PDXDC1: variants seen among roughly 807,000 people sequenced by gnomAD.
PDXDC1 encodes pyridoxal dependent decarboxylase domain containing 1, also known as pyridoxal-dependent decarboxylase domain-containing protein 1.
Under a neutral mutation model 100.1 loss-of-function variants are expected in PDXDC1, and 42 were observed. That is an observed-to-expected ratio of 0.42 (90% CI 0.33 to 0.54). The LOEUF (loss-of-function observed/expected upper bound fraction) is 0.54, where lower values mean the gene tolerates loss of function less well. PDXDC1 is among the 20% of genes least tolerant of loss of function. The pLI, the probability that PDXDC1 is intolerant of heterozygous loss-of-function variation, is 0.10. For synonymous variants in PDXDC1, 260 were observed against 371.7 expected (o/e 0.70, Z 3.46); for missense variants, 636 against 979.2 (o/e 0.65, Z 4.68).
intron 16 of PDXDC1, chr16:15,062,008 A>C: frequency 8.7e-7 from 1 of 1,150,346 alleles, no homozygotes; most frequent in Non-Finnish European, 1.2e-6. Flanking sequence ...AAGATGGTGA[A>C]GAAAATATCT....
At chr16:15,137,255 G>A in intron 16 of PDXDC1, 1 of 812,062 alleles carries the variant, frequency 1.2e-6, no homozygotes, top group Non-Finnish European at 2.0e-6. Context: ...GGCCCCTGGG[G>A]AGGCAGGGAA....
At chr16:15,065,324 C>T (rs1597878146) in intron 16 of PDXDC1, 11 of 1,613,668 alleles carry the variant, frequency 6.8e-6, no homozygotes, top group Non-Finnish European at 9.3e-6. Context: ...CAGCATCTGG[C>T]GATTGTTCCT....
intron 16 of PDXDC1, among the ~76,000 whole-genome samples, chr16:15,073,614 C>T (rs1409036760): frequency 6.6e-6 from 1 of 152,144 alleles, no homozygotes; most frequent in Non-Finnish European, 1.5e-5. Context: ...AAATGCAAAC[C>T]CTTCTGAAGA....
rs146542398 is a variant in PDXDC1 at position 15,136,139 on chromosome 16, C to T, written c.1400-2740C>T. 2.1e-4 allele frequency: 311 copies of T among 1,448,258 alleles called. 2 individuals are homozygous for T. The highest frequency in any genetic ancestry group is 1.9e-3 in the Middle Eastern group (8 of 4,168). The allele number at this position is 1,448,258 out of a possible 1,614,324, so 89.7% of individuals were successfully genotyped here. A position where few individuals can be genotyped will look rare whatever the true frequency, so the allele number is the denominator to read the frequency against. On this transcript the variant is annotated intron_variant, in intron 16 of 16. Transcript: ENST00000535621. ...ATCCACACGTCTAGGCTCCTGGGGG[C>T]GGGTGTGGGATGCCAGGGGGCTCAG...
chr16:14,992,129 G>C (rs1267831430), intron 1 of PDXDC1, among the ~76,000 whole-genome samples: 1 of 152,284 alleles, frequency 6.6e-6, no homozygotes, highest in Non-Finnish European at 1.5e-5. Flanking sequence ...GAGGATAAAT[G>C]GCAGCCGCAA....
chr16:15,076,436 T>C, intron 16 of PDXDC1: 1 of 751,330 alleles, frequency 1.3e-6, no homozygotes, highest in Non-Finnish European at 2.4e-6. Flanking sequence ...AAGGAATCGT[T>C]TTCAAGTTTG....
In PDXDC1 at chr16:15,135,454, C is replaced by T. The variant is rs544630823; in HGVS notation, c.1400-3425C>T. The T allele has an allele frequency of 1.9e-3, 2,315 of 1,236,212 alleles. 33 individuals are homozygous for T. In the African/African-American group the frequency reaches 0.03, roughly 16 times the overall value. The allele number at this position is 1,236,212 out of a possible 1,614,324, so 76.6% of individuals were successfully genotyped here. A position where few individuals can be genotyped will look rare whatever the true frequency, so the allele number is the denominator to read the frequency against. On this transcript the variant is annotated intron_variant, in intron 16 of 16. Coordinates refer to the PDXDC1 transcript ENST00000535621. ...TCTGCAGGCCGAGAACAAGGGGCGACGTGGCCCGAGAACCCCATCCAGTTT... is the reference window on the plus strand; with the variant it reads ...TCTGCAGGCCGAGAACAAGGGGCGATGTGGCCCGAGAACCCCATCCAGTTT...
chr16:15,055,377 C>T (rs1385798197), intron 16 of PDXDC1, among the ~76,000 whole-genome samples: 1 of 152,204 alleles, frequency 6.6e-6, no homozygotes, highest in Non-Finnish European at 1.5e-5. Flanking sequence ...GCCCTACGCC[C>T]CGGGGGTAGG....
At chr16:15,078,809 T>A (rs2045571075) in intron 16 of PDXDC1, among the ~76,000 whole-genome samples, 1 of 127,608 alleles carries the variant, frequency 7.8e-6, no homozygotes, top group Non-Finnish European at 1.7e-5. Flanking sequence ...TTCGTATTTT[T>A]TTCTTTTTTT....
downstream of PDXDC1, chr16:15,038,574 C>A: frequency 6.6e-7 from 1 of 1,509,536 alleles, no homozygotes; most frequent in Non-Finnish European, 9.2e-7. Flanking sequence ...AAACTCTCAC[C>A]TCTAGTATTT....
chr16:15,091,047 G>A (rs891510068), intron 16 of PDXDC1, among the ~76,000 whole-genome samples: 1 of 152,136 alleles, frequency 6.6e-6, no homozygotes, highest in Non-Finnish European at 1.5e-5. Flanking sequence ...GCTGTCCTGT[G>A]CACTGTGAGA....
intron 16 of PDXDC1, chr16:15,070,386 G>A (rs1325319619): frequency 4.0e-5 from 26 of 642,556 alleles, no homozygotes; most frequent in Non-Finnish European, 5.9e-5. Flanking sequence ...ATACCCATGG[G>A]TACAGAGGAA....
chr16:15,109,997 T>C (rs1476897242), intron 16 of PDXDC1, among the ~76,000 whole-genome samples: 1 of 143,254 alleles, frequency 7.0e-6, no homozygotes, highest in Non-Finnish European at 1.5e-5. Context: ...CTAGTAAAAA[T>C]ACAAAAATTA....
intron 1 of PDXDC1, among the ~76,000 whole-genome samples, chr16:14,994,562 G>C (rs1971553734): frequency 6.6e-6 from 1 of 152,306 alleles, no homozygotes; most frequent in Non-Finnish European, 1.5e-5. Flanking sequence ...ATAGTTTGAA[G>C]TCAGGTAGCA....
intron 16 of PDXDC1, among the ~76,000 whole-genome samples, chr16:15,082,568 G>A (rs2045752880): frequency 6.6e-6 from 1 of 151,900 alleles, no homozygotes; most frequent in African/African-American, 2.4e-5. Flanking sequence ...ACCTACTCGG[G>A]AGGCTGAGGT....
chr16:15,013,435 GAA>G (rs2041509950), intron 8 of PDXDC1, among the ~76,000 whole-genome samples: 1 of 152,160 alleles, frequency 6.6e-6, no homozygotes, highest in South Asian at 2.1e-4. Flanking sequence ...AGGAGTCAGG[GAA>G]AGGGTAATTA....
intron 16 of PDXDC1, among the ~76,000 whole-genome samples, chr16:15,075,854 T>A (rs372568994): frequency 6.6e-6 from 1 of 152,160 alleles, no homozygotes; most frequent in Non-Finnish European, 1.5e-5. Flanking sequence ...CTGTGAGTAC[T>A]GGCGGCCAAT....
At chr16:14,998,834 A>T (rs1297108358) in intron 3 of PDXDC1, among the ~76,000 whole-genome samples, 1 of 152,266 alleles carries the variant, frequency 6.6e-6, no homozygotes, top group African/African-American at 2.4e-5. Context: ...ATTTAAATAG[A>T]CTTATGTGCA....
At chr16:15,063,651 G>A (rs1016984492) in intron 16 of PDXDC1, among the ~76,000 whole-genome samples, 3 of 141,914 alleles carry the variant, frequency 2.1e-5, no homozygotes, top group Non-Finnish European at 3.0e-5. Flanking sequence ...CTTGCAGCGA[G>A]CCGAGATCGC....
Sources: gnomAD v4.1 joint callset for allele counts (sites outside exome capture counted in the v4.1 genomes callset) on GRCh38, gnomAD v4.1.1 for gene constraint, MANE v1.5 for transcripts, NCBI Gene and HGNC (gene_info 2026-07-23, HGNC 2026-07-21) for gene names.